Variants in CDH23 observed in about 807,000 individuals in gnomAD.
CDH23 encodes the protein cadherin-23.
Under a neutral mutation model 317.1 loss-of-function variants are expected in CDH23, and 189 were observed. The ratio of observed to expected loss-of-function variants is 0.60; its 90% confidence interval spans 0.53 to 0.67. The LOEUF is 0.67. Ranked by LOEUF, CDH23 falls within the 30% of genes least tolerant of loss-of-function variation. The pLI is 0.00. For missense variants in CDH23, 4,401 were observed against 4,592.4 expected (o/e 0.96, Z 1.20); for synonymous variants, 1,839 against 1,876.8 (o/e 0.98, Z 0.52).
At chr10:71,627,897 T>C (rs1861819967) in intron 11 of CDH23, among the ~76,000 whole-genome samples, 1 of 152,138 alleles carries the variant, frequency 6.6e-6, no homozygotes, top group Non-Finnish European at 1.5e-5. Context: ...GCTGGCAAAC[T>C]TTCTTCTCCA....
chr10:71,515,097 T>C (rs1854213166), intron 6 of CDH23, among the ~76,000 whole-genome samples: 1 of 152,106 alleles, frequency 6.6e-6, no homozygotes, highest in African/African-American at 2.4e-5. Context: ...GGCAGGAGGA[T>C]GGGTGTGAGG....
intron 28 of CDH23, among the ~76,000 whole-genome samples, chr10:71,718,680 A>G (rs1866406242): frequency 6.6e-6 from 1 of 152,216 alleles, no homozygotes; most frequent in Non-Finnish European, 1.5e-5. Context: ...TACTAGTTCT[A>G]ATGTTATTTC....
intron 3 of CDH23, among the ~76,000 whole-genome samples, chr10:71,487,318 T>A (rs1852404326): frequency 6.6e-6 from 1 of 152,198 alleles, no homozygotes; most frequent in Non-Finnish European, 1.5e-5. Context: ...TTAGGGGTGC[T>A]GACCACCACA....
chr10:71,645,084 G>T (rs1403086573), intron 12 of CDH23, among the ~76,000 whole-genome samples: 2 of 152,202 alleles, frequency 1.3e-5, no homozygotes, highest in Admixed American at 6.5e-5. Flanking sequence ...GCATCTGAGG[G>T]GCTCTGTGAG....
intron 1 of CDH23, among the ~76,000 whole-genome samples, chr10:71,435,389 T>C (rs1288529578): frequency 6.6e-6 from 1 of 152,228 alleles, no homozygotes; most frequent in African/African-American, 2.4e-5. Flanking sequence ...CTAGCACATG[T>C]TTCCAGTCAC....
intron 22 of CDH23, among the ~76,000 whole-genome samples, chr10:71,697,562 A>G (rs867580547): frequency 1.3e-5 from 2 of 151,910 alleles, no homozygotes; most frequent in Admixed American, 1.3e-4. Flanking sequence ...GGTCCCAGAT[A>G]CTCAGGAGGC....
intron 38 of CDH23, chr10:71,753,943 G>C (rs1277725936): frequency 4.4e-6 from 2 of 450,644 alleles, no homozygotes; most frequent in East Asian, 1.4e-4. Flanking sequence ...TTGGGGTGAG[G>C]GTTGTTGGTC....
Position 71,730,472 on chromosome 10 carries a change from A to T in CDH23, c.3583A>T (p.Ile1195Phe). Residue 1195 changes from isoleucine (I) to phenylalanine (F), a missense_variant, in exon 31 of 70, where the codon ATT becomes TTT. By Grantham distance (21) the Ile-to-Phe change is conservative. Transcript: ENST00000224721. ...ACCCCTGGCCCGGCTCCCACAGGTG[A>T]TTGTGTACGTGGAGGACATCAACGA... ...LGPMRSSVRV[I>F]VYVEDINDEA... The T allele has an allele frequency of 6.2e-7, 1 of 1,613,630 alleles. No homozygotes were observed. The highest frequency in any genetic ancestry group is 1.1e-5 in the South Asian group (1 of 91,064).
chr10:71,812,688 G>C, intron 67 of CDH23, 79 bp downstream of exon 67: 1 of 1,611,998 alleles, frequency 6.2e-7, no homozygotes, highest in Admixed American at 1.7e-5. Flanking sequence ...CAAGAAGCTG[G>C]GTTCTTTAAG....
intron 1 of CDH23, among the ~76,000 whole-genome samples, chr10:71,438,381 A>G (rs1171268474): frequency 1.3e-5 from 2 of 152,030 alleles, no homozygotes; most frequent in Non-Finnish European, 2.9e-5. Context: ...AAAGAAAGAA[A>G]AAAAAGAAAA....
Position 71,803,363 on chromosome 10 carries a change from T to C in CDH23, c.7815T>C (p.Asn2605=), listed in dbSNP as rs747807591. The change falls in exon 55 of 70, where the codon AAT becomes AAC. Residue 2605 remains asparagine, a synonymous_variant. Coordinates refer to ENST00000224721, the MANE Select transcript of CDH23 (RefSeq NM_022124.6). ...TMLLVEVIDV[N]DNRPVFVRPP... The stretch of plus-strand genomic sequence containing the variant: ...TCCTGGTGGAGGTCATCGACGTCAA[T>C]GACAACCGCCCTGTCTTTGTGCGCC... The C allele has an allele frequency of 1.3e-5, 21 of 1,600,618 alleles. No individual in the cohort carries two copies. The highest frequency in any genetic ancestry group is 1.8e-5 in the Non-Finnish European group (21 of 1,174,118).
chr10:71,587,637 C>T (rs1859172745), intron 9 of CDH23, among the ~76,000 whole-genome samples: 1 of 152,194 alleles, frequency 6.6e-6, no homozygotes. Context: ...CTGCCTGCAT[C>T]CACCTTTCCA....
At chr10:71,568,196 T>C (rs780878784) in intron 7 of CDH23, among the ~76,000 whole-genome samples, 1 of 152,174 alleles carries the variant, frequency 6.6e-6, no homozygotes, top group Non-Finnish European at 1.5e-5. Context: ...CCTGTTTAAG[T>C]GTTAGTTGCC....
At chr10:71,433,401 T>A (rs58797364) in intron 1 of CDH23, among the ~76,000 whole-genome samples, 1,709 of 152,298 alleles carry the variant, frequency 0.011, 30 homozygotes, top group African/African-American at 0.038. Flanking sequence ...GGTATATGCA[T>A]TTTCAGGCTC....
intron 31 of CDH23, among the ~76,000 whole-genome samples, chr10:71,731,357 G>C (rs575931434): frequency 2.6e-5 from 4 of 152,368 alleles, no homozygotes; most frequent in African/African-American, 9.6e-5. Flanking sequence ...GCATGGGATG[G>C]GGTGGAGGGA....
At chr10:71,575,508 T>TG (rs1441710250) in intron 8 of CDH23, among the ~76,000 whole-genome samples, 1 of 152,182 alleles carries the variant, frequency 6.6e-6, no homozygotes, top group African/African-American at 2.4e-5. Context: ...AACCACCTTG[T>TG]GGTGCTTTTC....
chr10:71,807,146 A>T, intron 57 of CDH23, 131 bp from the exon 58 acceptor site: 2 of 1,148,340 alleles, frequency 1.7e-6, no homozygotes, highest in Non-Finnish European at 2.5e-6. Flanking sequence ...CAACGGTTCT[A>T]CTCACCCCAT....
chr10:71,657,285 A>C (rs1863458485), intron 14 of CDH23, among the ~76,000 whole-genome samples: 1 of 152,198 alleles, frequency 6.6e-6, no homozygotes, highest in Admixed American at 6.5e-5. Context: ...TTTCTCAACT[A>C]TAAAATGGGA....
chr10:71,687,114 A>G (rs1284252150), intron 18 of CDH23, among the ~76,000 whole-genome samples: 1 of 152,160 alleles, frequency 6.6e-6, no homozygotes, highest in Non-Finnish European at 1.5e-5. Flanking sequence ...GCAAGGAGGA[A>G]TCTAGCTGTA....
Sources: allele counts gnomAD v4.1 joint callset (sites outside exome capture counted in the v4.1 genomes callset), GRCh38; gene constraint gnomAD v4.1.1; transcripts MANE v1.5; gene names NCBI Gene and HGNC (gene_info 2026-07-23, HGNC 2026-07-21).